Variants in STK32A observed in about 807,000 individuals in gnomAD.
STK32A encodes the protein serine/threonine kinase 32A.
STK32A carries 41 observed loss-of-function variants against 53.2 expected under a neutral mutation model. The ratio of observed to expected loss-of-function variants is 0.77; its 90% CI spans 0.60 to 1.00. STK32A has a LOEUF of 1.00. Among genes scored for constraint, STK32A ranks in the 50% least tolerant of loss-of-function variants. STK32A has a pLI of 0.00. For missense variants in STK32A, 458 were observed against 485.8 expected (o/e 0.94, Z 0.54); for synonymous variants, 166 against 162.8 (o/e 1.02, Z -0.15).
chr5:147,394,191 G>C, the STK32A span: 1 of 1,510,230 alleles, frequency 6.6e-7, no homozygotes, highest in South Asian at 1.1e-5. Flanking sequence ...ATGTGGGCAA[G>C]AGAGAAACTG....
chr5:147,280,637 G>A (rs2151955680), intron 4 of STK32A, among the ~76,000 whole-genome samples: 1 of 150,604 alleles, frequency 6.6e-6, no homozygotes, highest in African/African-American at 2.4e-5. Flanking sequence ...CAGCAGCAAG[G>A]CCCACCCAAA....
intron 2 of STK32A, among the ~76,000 whole-genome samples, chr5:147,277,652 G>A (rs574763738): frequency 3.3e-5 from 5 of 152,224 alleles, no homozygotes; most frequent in African/African-American, 1.2e-4. Flanking sequence ...GCTGATCCTC[G>A]GTAAAGCCAT....
chr5:147,383,614 T>G, intron 12 of STK32A, 109 bp downstream of exon 12: 1 of 1,007,984 alleles, frequency 9.9e-7, no homozygotes, highest in Non-Finnish European at 1.4e-6. Context: ...ATTTTCTAAT[T>G]GGGAAAATGA....
intron 4 of STK32A, among the ~76,000 whole-genome samples, chr5:147,319,413 A>AT (rs1190269491): frequency 6.6e-6 from 1 of 152,076 alleles, no homozygotes; most frequent in Non-Finnish European, 1.5e-5. Context: ...AAGTGCTGGG[A>AT]TTACAGGCAT....
At chr5:147,377,992 A>G (rs1289434024) in intron 11 of STK32A, among the ~76,000 whole-genome samples, 1 of 152,148 alleles carries the variant, frequency 6.6e-6, no homozygotes, top group African/African-American at 2.4e-5. Context: ...AGAATCAGAA[A>G]GATTATGAAC....
chr5:147,291,648 T>A (rs1376225363), intron 4 of STK32A, among the ~76,000 whole-genome samples: 1 of 152,154 alleles, frequency 6.6e-6, no homozygotes, highest in Non-Finnish European at 1.5e-5. Context: ...AATCCAGTCC[T>A]TTCTTAGAGA....
intron 6 of STK32A, among the ~76,000 whole-genome samples, chr5:147,348,024 G>A (rs1755771387): frequency 6.6e-6 from 1 of 152,156 alleles, no homozygotes; most frequent in Admixed American, 6.5e-5. Flanking sequence ...ACTGTTTTAG[G>A]TTATTCAGTT....
At chr5:147,357,275 C>T (rs535205466) in intron 7 of STK32A, among the ~76,000 whole-genome samples, 2 of 152,102 alleles carry the variant, frequency 1.3e-5, no homozygotes, top group South Asian at 4.1e-4. Context: ...ATTCATTTCC[C>T]TGCATTCTTA....
In STK32A at chr5:147,379,307, C is replaced by T. The variant is rs1368058527; in HGVS notation, c.1032+4089C>T. Among the ~76,000 whole-genome samples, 3 of 151,820 alleles carry T rather than the reference C, an allele frequency of 2.0e-5. No homozygotes were observed. The Admixed American group carries it at 2.0e-4, about 10-fold the overall frequency. On this transcript the variant is annotated intron_variant, in intron 11 of 12. Coordinates refer to ENST00000397936, the MANE Select transcript of STK32A (RefSeq NM_001112724.2). ...GTTTCAGTATTTTAAAAACTTACTT[C>T]AGGTGATTCTATGTGTGCAACCATG...
intron 2 of STK32A, among the ~76,000 whole-genome samples, chr5:147,274,274 G>T (rs1247310341): frequency 2.0e-5 from 3 of 152,072 alleles, no homozygotes; most frequent in African/African-American, 7.2e-5. Context: ...TTTCTTGCAG[G>T]CCACATACCC....
the STK32A span, among the ~76,000 whole-genome samples, chr5:147,394,917 A>G: frequency 6.6e-6 from 1 of 152,234 alleles, no homozygotes; most frequent in African/African-American, 2.4e-5. Flanking sequence ...TCACATTTAA[A>G]TTATTCATTA....
chr5:147,349,534 C>G (rs1755855716), intron 6 of STK32A, among the ~76,000 whole-genome samples: 1 of 152,160 alleles, frequency 6.6e-6, no homozygotes, highest in Admixed American at 6.5e-5. Context: ...TTGGCACGGC[C>G]CTTTTGTTCC....
At chr5:147,378,381 T>C (rs1757313453) in intron 11 of STK32A, among the ~76,000 whole-genome samples, 1 of 152,114 alleles carries the variant, frequency 6.6e-6, no homozygotes, top group South Asian at 2.1e-4. Context: ...GGAAATAAAA[T>C]GACAGGTGGT....
intron 5 of STK32A, among the ~76,000 whole-genome samples, chr5:147,325,626 T>C (rs570425528): frequency 2.8e-4 from 43 of 152,296 alleles, no homozygotes; most frequent in African/African-American, 9.4e-4. Flanking sequence ...GGCCTGCTTG[T>C]ATTGGAAGTG....
chr5:147,374,477 A>C (rs917990324), intron 10 of STK32A, among the ~76,000 whole-genome samples: 3 of 152,012 alleles, frequency 2.0e-5, no homozygotes, highest in East Asian at 3.9e-4. Context: ...GGTAGGTCTG[A>C]GTTCTTACCT....
intron 2 of STK32A, among the ~76,000 whole-genome samples, chr5:147,252,596 AT>A (rs1257941645): frequency 2.0e-5 from 3 of 152,224 alleles, no homozygotes; most frequent in Admixed American, 6.5e-5. Context: ...TAAAAGCAAG[AT>A]TTACAATTAT....
rs113036652 is a variant in STK32A, at chr5:147,274,983, C to T, written c.53-3141C>T. On this transcript the variant is annotated intron_variant, in intron 2 of 12. Transcript: ENST00000397936. Reference sequence around the variant, plus strand: ...ATATCCATTGGTTTTCAAAAATAATCCTATACAAATTCAAAAACCATTCTT... The same window carrying T: ...ATATCCATTGGTTTTCAAAAATAATTCTATACAAATTCAAAAACCATTCTT... Among the ~76,000 whole-genome samples, 1,446 of 152,160 alleles carry T rather than the reference C, an allele frequency of 9.5e-3. 13 individuals are homozygous for T. The highest frequency in any genetic ancestry group is 0.014 in the Non-Finnish European group (925 of 68,002).
At chr5:147,311,791 G>T (rs1190760391) in intron 4 of STK32A, among the ~76,000 whole-genome samples, 1 of 152,160 alleles carries the variant, frequency 6.6e-6, no homozygotes, top group Non-Finnish European at 1.5e-5. Flanking sequence ...GTCTCACTAT[G>T]TTGCCCAGGC....
At chr5:147,337,212 T>C (rs1755178419) in intron 5 of STK32A, among the ~76,000 whole-genome samples, 1 of 152,200 alleles carries the variant, frequency 6.6e-6, no homozygotes, top group South Asian at 2.1e-4. Context: ...CAGCAGGACA[T>C]GGCTCTTTTT....
Sources: gnomAD v4.1 joint callset for allele counts (sites outside exome capture counted in the v4.1 genomes callset) on GRCh38, gnomAD v4.1.1 for gene constraint, MANE v1.5 for transcripts, NCBI Gene and HGNC (gene_info 2026-07-23, HGNC 2026-07-21) for gene names.